WDR81: variants seen among roughly 807,000 people sequenced by gnomAD.
The protein encoded by WDR81 is WD repeat domain 81.
In WDR81, 92 loss-of-function variants were observed where a neutral mutation model predicts 140.8. That is an observed-to-expected ratio of 0.65 (90% confidence interval 0.55 to 0.78). The LOEUF is 0.78. Ranked by LOEUF, WDR81 falls within the 30% of genes least tolerant of loss-of-function variation. The pLI is 0.00. For missense variants in WDR81, 2,502 were observed against 2,636.4 expected (o/e 0.95, Z 1.12); for synonymous variants, 1,183 against 1,156.4 (o/e 1.02, Z -0.47).
chr17:1,720,706 A>T (rs563698161), upstream of WDR81, among the ~76,000 whole-genome samples: 413 of 151,396 alleles, frequency 2.7e-3, 2 homozygotes, highest in African/African-American at 9.7e-3. Context: ...TGAAGGTTGC[A>T]GTGAGCCGAG....
In WDR81 at chr17:1,726,421, C is replaced by A; in HGVS notation, c.1462C>A (p.Pro488Thr). 1.3e-6 allele frequency: 2 copies of A among 1,549,324 alleles called. No individual in the cohort carries two copies. The highest frequency in any genetic ancestry group is 1.7e-6 in the Non-Finnish European group (2 of 1,146,612). ...CATGGAGCGGATGCAGAACTGGACC[C>A]CGGATGAGTGCATTCCGGAGTTCTA... ...ASMERMQNWT[P>T]DECIPEFYTD... The change falls in exon 1 of 10, where the codon CCG becomes ACG. Residue 488 changes from proline (P) to threonine (T), a missense_variant. This residue lies in a region of WDR81 where 218 missense variants were observed against 279.6 expected (regional missense o/e 0.78). Transcript: ENST00000409644.
Position 1,733,756 on chromosome 17 carries a change from C to T in WDR81, c.4719C>T (p.Asp1573=), listed in dbSNP as rs761013527. The T allele has an allele frequency of 1.9e-6, 3 of 1,612,476 alleles. No individual in the cohort carries two copies. Among genetic ancestry groups the T allele is most frequent in the Non-Finnish European group, 1.7e-6 (2 of 1,179,820 alleles). The stretch of plus-strand genomic sequence containing the variant: ...GGAACCGCATTCAGATCCCCAATGA[C>T]TCTCGGCCTGAGAACCCCGGACCAC... ...LVGNRIQIPN[D]SRPENPGPLG... is the part of the protein sequence containing the mutation. Residue 1573 remains aspartate (D), a synonymous_variant, in exon 7 of 10, where the codon GAC becomes GAT. Transcript: ENST00000409644.
At chr17:1,733,405 T>A (rs1904541227) in intron 6 of WDR81, 122 bp from the exon 7 acceptor site, 2 of 944,264 alleles carry the variant, frequency 2.1e-6, no homozygotes, top group Non-Finnish European at 3.1e-6. Flanking sequence ...GAGACAGAGT[T>A]ACTTGCCCAG....
upstream of WDR81, among the ~76,000 whole-genome samples, chr17:1,721,863 C>G (rs1269702522): frequency 6.7e-6 from 1 of 150,046 alleles, no homozygotes; most frequent in Non-Finnish European, 1.5e-5. Context: ...GTGGCTCACA[C>G]CTGTAATCCC....
intron 1 of WDR81, among the ~76,000 whole-genome samples, chr17:1,717,841 A>G (rs879311409): frequency 3.9e-5 from 6 of 152,116 alleles, no homozygotes; most frequent in African/African-American, 9.7e-5. Flanking sequence ...TAGCACAGTA[A>G]ATTCAGACTC....
At chr17:1,730,534 C>T (rs1915620863) in intron 2 of WDR81, 47 bp downstream of exon 2, 1 of 1,569,244 alleles carries the variant, frequency 6.4e-7, no homozygotes, top group South Asian at 1.1e-5. Flanking sequence ...TTCTCCCAGG[C>T]CCTCTGCCTA....
rs1597296867 is a variant in WDR81 at position 1,731,243 on chromosome 17, C to T, written c.4142C>T (p.Thr1381Ile). ...EVLLPVLSFLTSLVTGFPSGA... is the reference protein window; with the variant it reads ...EVLLPVLSFLISLVTGFPSGA... ...CTGCTGCCCGTGCTCAGCTTCCTCA[C>T]CTCCCTCGTCACGGGGTAGGCCTCT... The change falls in exon 4 of 10, where the codon ACC becomes ATC. Residue 1381 changes from threonine to isoleucine, a missense_variant. Physicochemically the swap from Thr to Ile is moderately conservative, Grantham distance 89. Transcript: ENST00000409644. 6.2e-7 allele frequency: 1 copy of T among 1,613,338 alleles called. No homozygotes were observed. The highest frequency in any genetic ancestry group is 2.2e-5 in the East Asian group (1 of 44,888).
In WDR81 at chr17:1,725,787, C is replaced by T; in HGVS notation, c.828C>T (p.Arg276=). 6.4e-7 allele frequency: 1 copy of T among 1,550,690 alleles called. No individual in the cohort carries two copies. Among genetic ancestry groups the T allele is most frequent in the Non-Finnish European group, 8.7e-7 (1 of 1,147,014 alleles). The stretch of plus-strand genomic sequence containing the variant: ...TGAGGGCTATGGACGCCTGTCACCG[C>T]CAGGGGCTGGCGTGTGGGGCCCTGT... ...RVLRAMDACH[R]QGLACGALSL... The change falls in exon 1 of 10, where the codon CGC becomes CGT. Residue 276 remains arginine (R), a synonymous_variant. Coordinates refer to ENST00000409644, the MANE Select transcript of WDR81 (RefSeq NM_001163809.2).
At position 1,726,871 on chromosome 17, in the gene WDR81, T is replaced by C; in HGVS notation, c.1912T>C (p.Leu638=). The C allele has an allele frequency of 6.5e-7, 1 of 1,550,346 alleles. No individual in the cohort carries two copies. Among genetic ancestry groups the C allele is most frequent in the Non-Finnish European group, 8.7e-7 (1 of 1,146,956 alleles). The part of the protein sequence containing the change: ...QLPNGVGRPV[L]EATPCEASWT... The stretch of plus-strand genomic sequence containing the variant: ...TCCAAATGGAGTGGGCCGGCCAGTT[T>C]TAGAGGCCACTCCCTGTGAGGCTAG... The change falls in exon 1 of 10, where the codon TTA becomes CTA. Residue 638 remains leucine, a synonymous_variant. Transcript: ENST00000409644.
In WDR81 at chr17:1,738,349, T is replaced by G. The variant is rs941749670; in HGVS notation, c.*664T>G. ...GTCTGCCCACCCCTACCACAGTGTT[T>G]GTGCCTTCAGCTGAGGGGGCAGCCT... is the stretch of plus-strand genomic sequence containing the variant. On this transcript the variant is annotated 3_prime_UTR_variant, in exon 10 of 10. Transcript: ENST00000409644. The G allele has an allele frequency of 6.5e-6, 1 of 153,950 alleles. No individual in the cohort carries two copies. The highest frequency in any genetic ancestry group is 1.4e-5 in the Non-Finnish European group (1 of 69,132). 9.5% of individuals were successfully genotyped at this position (153,950 alleles called of 1,614,324 possible).
At chr17:1,724,029 A>G (rs1370851174), upstream of WDR81, among the ~76,000 whole-genome samples, 2 of 152,076 alleles carry the variant, frequency 1.3e-5, no homozygotes, top group African/African-American at 2.4e-5. Context: ...GCTCCTTCCT[A>G]TGGAAGGTGG....
chr17:1,723,231 C>T (rs1010290586), upstream of WDR81, among the ~76,000 whole-genome samples: 1 of 152,066 alleles, frequency 6.6e-6, no homozygotes, highest in Non-Finnish European at 1.5e-5. Flanking sequence ...CTTCCCCCAG[C>T]CACAGTGACA....
chr17:1,716,685 A>G (rs1029827371), intron 1 of WDR81: 16 of 1,539,404 alleles, frequency 1.0e-5, no homozygotes, highest in African/African-American at 1.4e-5. Flanking sequence ...GGAAGTCCTT[A>G]AAGGGCGACA....
upstream of WDR81, among the ~76,000 whole-genome samples, chr17:1,722,945 G>A (rs2151157785): frequency 6.6e-6 from 1 of 151,528 alleles, no homozygotes; most frequent in South Asian, 2.1e-4. Flanking sequence ...CGCCCACCTT[G>A]GCCTCCCAAA....
At chr17:1,736,340 C>A in intron 9 of WDR81, 122 bp downstream of exon 9, 1 of 1,212,828 alleles carries the variant, frequency 8.2e-7, no homozygotes, top group Non-Finnish European at 1.1e-6. Flanking sequence ...ATACCTGGTC[C>A]AGGACTAACT....
At chr17:1,736,298 C>G in intron 9 of WDR81, 80 bp downstream of exon 9, 1 of 1,492,874 alleles carries the variant, frequency 6.7e-7, no homozygotes, top group Middle Eastern at 2.3e-4. Flanking sequence ...GGTCTGCCTG[C>G]CCGGGTTCAG....
intron 6 of WDR81, 157 bp downstream of exon 6, chr17:1,732,988 G>A: frequency 1.1e-6 from 1 of 904,726 alleles, no homozygotes; most frequent in East Asian, 2.8e-5. Flanking sequence ...CTACCCCCAA[G>A]GTGACACACA....
chr17:1,716,844 G>A (rs1403111711), intron 1 of WDR81: 2 of 619,484 alleles, frequency 3.2e-6, no homozygotes, highest in East Asian at 2.8e-5. Flanking sequence ...GGGCAGCAGA[G>A]ACTGCCGTTG....
Position 1,737,889 on chromosome 17 carries a change from G to T in WDR81, c.*204G>T, listed in dbSNP as rs755595711. ...ACCAGAGCCACCAAGCCTGCCAGAG[G>T]GGTCTCATTCATGGCTTGGGGACAC... On this transcript the variant is annotated 3_prime_UTR_variant, in exon 10 of 10. Transcript: ENST00000409644. The T allele has an allele frequency of 3.8e-5, 25 of 663,816 alleles. No homozygotes were observed. Among genetic ancestry groups the T allele is most frequent in the Non-Finnish European group, 6.0e-5 (24 of 397,532 alleles). 41.1% of individuals were successfully genotyped at this position (663,816 alleles called of 1,614,324 possible).
Sources: gnomAD v4.1 joint callset for allele counts (sites outside exome capture counted in the v4.1 genomes callset) on GRCh38, gnomAD v4.1.1 for gene constraint, gnomAD v4.1.1 regional missense constraint, MANE v1.5 for transcripts, NCBI Gene and HGNC (gene_info 2026-07-23, HGNC 2026-07-21) for gene names.